NRG1: variants seen among roughly 807,000 people sequenced by gnomAD.
The protein encoded by NRG1 is neuregulin 1.
Under a neutral mutation model 63.8 loss-of-function variants are expected in NRG1, and 18 were observed. The ratio of observed to expected loss-of-function variants is 0.28; its 90% CI spans 0.19 to 0.42. The LOEUF is 0.42. NRG1 is among the 10% of genes least tolerant of loss of function. The pLI is 1.00. For synonymous variants in NRG1, 302 were observed against 301.3 expected (o/e 1.00, Z -0.02); for missense variants, 762 against 814.7 (o/e 0.94, Z 0.79).
chr8:32,269,015 C>A (rs1311346948), intron 1 of NRG1, among the ~76,000 whole-genome samples: 2 of 152,112 alleles, frequency 1.3e-5, no homozygotes, highest in Non-Finnish European at 2.9e-5. Flanking sequence ...ACTTCAGAAA[C>A]TTTAAGAAAA....
chr8:32,556,921 CA>C (rs1244436012), intron 1 of NRG1, among the ~76,000 whole-genome samples: 1 of 152,168 alleles, frequency 6.6e-6, no homozygotes, highest in Middle Eastern at 3.2e-3. Flanking sequence ...ATATTTTTGT[CA>C]AAACAAGTAA....
At chr8:31,982,043 GA>G (rs1305735823) in intron 1 of NRG1, among the ~76,000 whole-genome samples, 2 of 151,890 alleles carry the variant, frequency 1.3e-5, no homozygotes, top group Admixed American at 1.3e-4. Context: ...GAGATTTTGA[GA>G]AAATAAAGCT....
chr8:32,600,861 CATCA>C (rs897963326), intron 2 of NRG1, among the ~76,000 whole-genome samples: 1 of 151,992 alleles, frequency 6.6e-6, no homozygotes, highest in African/African-American at 2.4e-5. Context: ...CTAGAAAACT[CATCA>C]ATTAAAGAGC....
At chr8:32,110,681 A>G (rs993453177) in intron 1 of NRG1, among the ~76,000 whole-genome samples, 2 of 152,148 alleles carry the variant, frequency 1.3e-5, no homozygotes, top group Admixed American at 6.5e-5. Context: ...AGGTTGAATG[A>G]TGTACTTGAC....
In NRG1 at chr8:32,224,302, T is replaced by A. The variant is rs377601469; in HGVS notation, c.38-371526T>A. Among the ~76,000 whole-genome samples, 7 of 152,236 alleles carry A rather than the reference T, an allele frequency of 4.6e-5. No homozygotes were observed. The East Asian group carries it at 1.4e-3, about 29-fold the overall frequency. The stretch of plus-strand genomic sequence containing the variant: ...ATCGCAGGATGATCCTGTACTCTTG[T>A]AGTAACAGGAGTGTTTTGCAGTACA... On this transcript the variant is annotated intron_variant, in intron 1 of 10. Coordinates refer to the NRG1 transcript ENST00000519301.
intron 1 of NRG1, among the ~76,000 whole-genome samples, chr8:32,358,368 G>GAAAAAAA (rs34976612): frequency 1.0e-5 from 1 of 99,022 alleles, no homozygotes; most frequent in Non-Finnish European, 1.9e-5. Flanking sequence ...TGCCATTTAT[G>GAAAAAAA]AAAAAAAAAA....
intron 1 of NRG1, among the ~76,000 whole-genome samples, chr8:31,700,954 G>A (rs939946096): frequency 6.6e-6 from 1 of 152,176 alleles, no homozygotes; most frequent in South Asian, 2.1e-4. Context: ...GCAGTTTGTG[G>A]TTGGACTTGG....
chr8:32,679,335 A>G (rs1194627420), intron 5 of NRG1, among the ~76,000 whole-genome samples: 1 of 152,158 alleles, frequency 6.6e-6, no homozygotes, highest in African/African-American at 2.4e-5. Context: ...TATATAGTAC[A>G]TGTTCATTTT....
chr8:32,423,138 C>A lies in NRG1; in HGVS notation c.38-172690C>A, dbSNP rs74473196. ...TAATTGATATTGCTCCATTGGGTGG[C>A]CTGTGGTATTCAATTCACTGGAAAG... On this transcript the variant is annotated intron_variant, in intron 1 of 10. Coordinates refer to the NRG1 transcript ENST00000519301. 1.2e-3 allele frequency among the ~76,000 whole-genome samples: 190 copies of A among 152,276 alleles called. 2 individuals carry two copies. The East Asian group carries it at 0.034, about 27-fold the overall frequency.
At chr8:32,177,779 T>C (rs572030081) in intron 1 of NRG1, among the ~76,000 whole-genome samples, 1 of 152,298 alleles carries the variant, frequency 6.6e-6, no homozygotes, top group Non-Finnish European at 1.5e-5. Context: ...CAGCATGTTC[T>C]ATAGGTGGGC....
chr8:31,849,354 T>A (rs988443584), intron 1 of NRG1, among the ~76,000 whole-genome samples: 1 of 152,224 alleles, frequency 6.6e-6, no homozygotes, highest in Non-Finnish European at 1.5e-5. Context: ...GTGAATTACA[T>A]TGATGTAAAT....
rs149088677 is a variant in NRG1, at chr8:32,555,824, T to C, written c.100+6998T>C. On this transcript the variant is annotated intron_variant, in intron 1 of 11. Coordinates refer to ENST00000356819, the Ensembl canonical transcript of NRG1. ...GCCTTGTTATTTATGGTTTACCTGC[T>C]TATGTTAATTCCACCCTGTACTTGT... Among the ~76,000 whole-genome samples the C allele has an allele frequency of 7.0e-3, 1,064 of 152,354 alleles. 9 individuals are homozygous for C. The highest frequency in any genetic ancestry group is 0.024 in the African/African-American group (980 of 41,568).
chr8:32,133,216 G>C (rs1053931134), intron 1 of NRG1, among the ~76,000 whole-genome samples: 1 of 151,960 alleles, frequency 6.6e-6, no homozygotes, highest in African/African-American at 2.4e-5. Flanking sequence ...ATTCATATAC[G>C]CATTTGTGTG....
chr8:31,648,962 CTTT>C (rs58167732), intron 1 of NRG1, among the ~76,000 whole-genome samples: 23 of 136,598 alleles, frequency 1.7e-4, no homozygotes, highest in East Asian at 2.2e-4. Flanking sequence ...TTTTTCTTTT[CTTT>C]TTTTTTTTTT....
chr8:32,158,181 G>T (rs918508935), intron 1 of NRG1, among the ~76,000 whole-genome samples: 13 of 151,860 alleles, frequency 8.6e-5, no homozygotes, highest in African/African-American at 2.9e-4. Flanking sequence ...ACAGCTCCTG[G>T]TGGATGCCCC....
intron 1 of NRG1, among the ~76,000 whole-genome samples, chr8:31,910,149 G>A (rs933110247): frequency 2.0e-5 from 3 of 152,188 alleles, no homozygotes; most frequent in East Asian, 1.9e-4. Context: ...TTTAAGCTGC[G>A]AGCTAAAGGA....
chr8:32,244,182 A>C (rs916359628), intron 1 of NRG1, among the ~76,000 whole-genome samples: 13 of 152,176 alleles, frequency 8.5e-5, no homozygotes, highest in African/African-American at 3.1e-4. Context: ...TATATGATAC[A>C]TAAAACATAT....
At chr8:32,743,025 A>G in intron 7 of NRG1, 1 of 1,191,114 alleles carries the variant, frequency 8.4e-7, no homozygotes, top group African/African-American at 1.5e-5. Context: ...CAAGCAGTGA[A>G]ATATGATAAT....
intron 1 of NRG1, among the ~76,000 whole-genome samples, chr8:31,811,482 T>C (rs1379490873): frequency 2.0e-5 from 3 of 152,206 alleles, no homozygotes; most frequent in South Asian, 4.1e-4. Flanking sequence ...ATTTTTTTCC[T>C]GGTGTCAATA....
Sources: gnomAD v4.1 joint callset for allele counts (sites outside exome capture counted in the v4.1 genomes callset) on GRCh38, gnomAD v4.1.1 for gene constraint, MANE v1.5 for transcripts, NCBI Gene and HGNC (gene_info 2026-07-23, HGNC 2026-07-21) for gene names.